MAPT: variants seen among roughly 807,000 people sequenced by gnomAD.
MAPT encodes the protein microtubule associated protein tau.
Under a neutral mutation model 67.9 loss-of-function variants are expected in MAPT, and 34 were observed. The ratio of observed to expected loss-of-function variants is 0.50; its 90% CI spans 0.38 to 0.67. The LOEUF (loss-of-function observed/expected upper bound fraction) is 0.67, where lower values mean the gene tolerates loss of function less well. Among genes scored for constraint, MAPT ranks in the 30% least tolerant of loss-of-function variants. The pLI, the probability that MAPT is intolerant of heterozygous loss-of-function variation, is 0.00. For missense variants in MAPT, 881 were observed against 1,115.2 expected (o/e 0.79, Z 2.99); for synonymous variants, 456 against 464.5 (o/e 0.98, Z 0.23).
intron 1 of MAPT, among the ~76,000 whole-genome samples, chr17:45,917,803 C>G (rs1457503278): frequency 6.6e-6 from 1 of 150,974 alleles, no homozygotes; most frequent in African/African-American, 2.4e-5. Context: ...TAAGACAGAG[C>G]CTTGCTGTCA....
intron 1 of MAPT, among the ~76,000 whole-genome samples, chr17:45,946,598 T>TAAAA (rs763910082): frequency 1.5e-4 from 9 of 60,884 alleles, no homozygotes; most frequent in Non-Finnish European, 1.8e-4. Flanking sequence ...GACTCTGTCT[T>TAAAA]AAAAAAAAAA....
intron 9 of MAPT, among the ~76,000 whole-genome samples, chr17:46,009,268 G>GAAAGGTC (rs1324472619): frequency 6.6e-6 from 1 of 152,174 alleles, no homozygotes; most frequent in Non-Finnish European, 1.5e-5. Flanking sequence ...TTCCTGAGAG[G>GAAAGGTC]AAAGGTCACC....
intron 1 of MAPT, among the ~76,000 whole-genome samples, chr17:45,913,324 G>T (rs1228687503): frequency 6.6e-6 from 1 of 152,158 alleles, no homozygotes; most frequent in Non-Finnish European, 1.5e-5. Flanking sequence ...CAAGAGAACA[G>T]CACAGAAAAG....
At chr17:45,895,884 G>A (rs2063170561) in intron 1 of MAPT, 1 of 152,310 alleles carries the variant, frequency 6.6e-6, no homozygotes, top group African/African-American at 2.4e-5. Context: ...TAAAGGGAGG[G>A]GGACAATCAG....
chr17:45,959,111 A>T (rs566128386), intron 1 of MAPT, among the ~76,000 whole-genome samples: 84 of 152,294 alleles, frequency 5.5e-4, no homozygotes, highest in Admixed American at 5.5e-3. Flanking sequence ...GATATCATTT[A>T]AAAAAACATT....
intron 6 of MAPT, among the ~76,000 whole-genome samples, chr17:45,988,378 AGT>A (rs1349743750): frequency 1.3e-5 from 2 of 152,140 alleles, no homozygotes; most frequent in Admixed American, 1.3e-4. Context: ...GTTTCCCGAG[AGT>A]GTGACCTGTT....
In MAPT at chr17:45,971,950, G is replaced by A; in HGVS notation, c.220+5G>A. 6.2e-7 allele frequency: 1 copy of A among 1,613,212 alleles called. No individual in the cohort carries two copies. The highest frequency in any genetic ancestry group is 8.5e-7 in the Non-Finnish European group (1 of 1,179,338). ...AGAGCACTCCAACAGCGGAAGGTGG[G>A]CCCCCCTTCAGACGCCCCCTCCATG... On this transcript the variant is annotated splice_donor_5th_base_variant and intron_variant, in intron 3 of 12. Transcript: ENST00000262410. This position sits in a 1 kb window ranked among gnomAD's most constrained non-coding sequence, Gnocchi z 4.3.
At chr17:46,008,278 C>T (rs1016570544) in intron 9 of MAPT, among the ~76,000 whole-genome samples, 5 of 152,100 alleles carry the variant, frequency 3.3e-5, no homozygotes, top group Admixed American at 3.3e-4. Flanking sequence ...TTAGTACAGA[C>T]GGGGTTTCAC....
rs896722218 is a variant in MAPT, at chr17:46,027,659, G to A, written c.*3488G>A. Reference sequence around the variant, plus strand: ...TTTCAACCACATTTGCTAGAGGGAGGGAGCAGCCACGGAGTTAGAGGCCCT... The same window carrying A: ...TTTCAACCACATTTGCTAGAGGGAGAGAGCAGCCACGGAGTTAGAGGCCCT... On this transcript the variant is annotated 3_prime_UTR_variant, in exon 13 of 13. Coordinates refer to ENST00000262410, the MANE Select transcript of MAPT (RefSeq NM_001377265.1). 2.1e-4 allele frequency: 32 copies of A among 152,202 alleles called. No homozygotes were observed. The highest frequency in any genetic ancestry group is 7.5e-4 in the African/African-American group (31 of 41,416). 9.4% of individuals were successfully genotyped at this position (152,202 alleles called of 1,614,324 possible).
chr17:45,984,832 C>T (rs933066686), intron 5 of MAPT, among the ~76,000 whole-genome samples: 26 of 152,208 alleles, frequency 1.7e-4, no homozygotes, highest in Admixed American at 1.3e-3. Context: ...CCACAGGAGA[C>T]CTCAGAGCCA....
At chr17:46,011,897 C>CCTG (rs1431642536) in intron 10 of MAPT, among the ~76,000 whole-genome samples, 2 of 152,162 alleles carry the variant, frequency 1.3e-5, no homozygotes, top group Admixed American at 6.5e-5. Context: ...AAGCGCTTGC[C>CCTG]CTGCGGCTGC....
intron 9 of MAPT, chr17:45,999,380 C>T (rs779559969): frequency 1.2e-6 from 2 of 1,614,004 alleles, no homozygotes; most frequent in Non-Finnish European, 1.7e-6. Flanking sequence ...TTAACTCAGC[C>T]TCTGTGTGAG....
chr17:45,907,686 C>T (rs1384165280), intron 1 of MAPT: 1 of 152,216 alleles, frequency 6.6e-6, no homozygotes, highest in Non-Finnish European at 1.5e-5. Flanking sequence ...TCCTTTGAAA[C>T]ATTCTATAAT....
Position 45,896,328 on chromosome 17 carries a change from C to T in MAPT, c.-18+1642C>T, listed in dbSNP as rs1451974409. 1 of 152,262 alleles carries T rather than the reference C, an allele frequency of 6.6e-6. No individual in the cohort carries two copies. The highest frequency in any genetic ancestry group is 1.5e-5 in the Non-Finnish European group (1 of 68,090). 9.4% of individuals were successfully genotyped at this position (152,262 alleles called of 1,614,324 possible). A position where few individuals can be genotyped will look rare whatever the true frequency, so the allele number is the denominator to read the frequency against. ...CAAGTGTCCTGAGGGCCACGCCACA[C>T]CAGGTTGCCCAGCGAGGGACGCTGG... is the stretch of plus-strand genomic sequence containing the variant. On this transcript the variant is annotated intron_variant, in intron 1 of 12. Transcript: ENST00000262410. This position sits in a 1 kb window ranked among gnomAD's most constrained non-coding sequence, Gnocchi z 5.6.
At chr17:45,923,069 T>C (rs187295105) in intron 1 of MAPT, among the ~76,000 whole-genome samples, 1 of 152,294 alleles carries the variant, frequency 6.6e-6, no homozygotes, top group East Asian at 1.9e-4. Flanking sequence ...CCCTATGTTC[T>C]TATCTCTAAG....
intron 5 of MAPT, among the ~76,000 whole-genome samples, chr17:45,984,320 A>G (rs1338789268): frequency 1.3e-5 from 2 of 152,222 alleles, no homozygotes; most frequent in Admixed American, 6.5e-5. Context: ...CCATGTAGGC[A>G]TAAGCAGCCC....
chr17:45,955,121 G>A (rs189279403), intron 1 of MAPT, among the ~76,000 whole-genome samples: 110 of 152,358 alleles, frequency 7.2e-4, no homozygotes, highest in African/African-American at 2.3e-3. Context: ...GAGAGGGCAG[G>A]ATTCTTTGAA....
intron 9 of MAPT, among the ~76,000 whole-genome samples, chr17:46,001,782 C>G (rs1367692853): frequency 1.3e-5 from 2 of 152,228 alleles, no homozygotes; most frequent in Non-Finnish European, 2.9e-5. Flanking sequence ...CCCCCAGGGT[C>G]CAGGCCAGGG....
At chr17:45,945,682 G>A (rs2068410101) in intron 1 of MAPT, among the ~76,000 whole-genome samples, 1 of 152,078 alleles carries the variant, frequency 6.6e-6, no homozygotes, top group African/African-American at 2.4e-5. Flanking sequence ...GCGTGGTGGT[G>A]CACACCTGTA....
Sources: allele counts gnomAD v4.1 joint callset (sites outside exome capture counted in the v4.1 genomes callset), GRCh38; gene constraint gnomAD v4.1.1; non-coding constraint Gnocchi (gnomAD v3.1); transcripts MANE v1.5; gene names NCBI Gene and HGNC (gene_info 2026-07-23, HGNC 2026-07-21).